Variants in CDYL2 observed in about 807,000 individuals in gnomAD.
CDYL2 encodes chromodomain Y-like protein 2.
Under a neutral mutation model 49.4 loss-of-function variants are expected in CDYL2, and 23 were observed. The ratio of observed to expected loss-of-function variants is 0.47; its 90% CI spans 0.34 to 0.66. The LOEUF is 0.66. CDYL2 is among the 30% of genes least tolerant of loss of function. The pLI, the probability that CDYL2 is intolerant of heterozygous loss-of-function variation, is 0.01. For missense variants in CDYL2, 678 were observed against 656.4 expected (o/e 1.03, Z -0.36); for synonymous variants, 360 against 268.8 (o/e 1.34, Z -3.32).
At chr16:80,633,258 T>A (rs754886867) in intron 2 of CDYL2, 22 bp from the exon 3 acceptor site, 1 of 1,601,572 alleles carries the variant, frequency 6.2e-7, no homozygotes, top group Non-Finnish European at 8.5e-7. Context: ...AGATAAACAA[T>A]GTAAGAAACT....
intron 1 of CDYL2, among the ~76,000 whole-genome samples, chr16:80,770,207 TAATC>T (rs1164814543): frequency 3.9e-5 from 6 of 152,176 alleles, no homozygotes; most frequent in Non-Finnish European, 8.8e-5. Context: ...AATAAAGTAA[TAATC>T]AATCATATAA....
At chr16:80,709,000 T>C (rs1904498179) in intron 1 of CDYL2, among the ~76,000 whole-genome samples, 1 of 152,210 alleles carries the variant, frequency 6.6e-6, no homozygotes, top group Admixed American at 6.5e-5. Flanking sequence ...GAGCTCCTGT[T>C]TGCAAATTGA....
intron 3 of CDYL2, among the ~76,000 whole-genome samples, chr16:80,621,743 C>A (rs1907093342): frequency 6.6e-6 from 1 of 152,226 alleles, no homozygotes; most frequent in Admixed American, 6.5e-5. Flanking sequence ...GTGCTGGCCA[C>A]CCTGCCATCA....
chr16:80,701,673 C>T (rs1195467018), intron 1 of CDYL2, among the ~76,000 whole-genome samples: 1 of 152,136 alleles, frequency 6.6e-6, no homozygotes, highest in Non-Finnish European at 1.5e-5. Context: ...GCTGTATGTA[C>T]CATGTTTCTG....
Position 80,794,010 on chromosome 16 carries a change from T to C in CDYL2, c.24+10140A>G, listed in dbSNP as rs149252197. ...ACTGGTATCGGGTGTGGTTTGACCA[T>C]CTTGTCTTGGAATCTCAGGATATTC... On this transcript the variant is annotated intron_variant, in intron 1 of 6. Coordinates refer to ENST00000570137, the MANE Select transcript of CDYL2 (RefSeq NM_152342.4). Among the ~76,000 whole-genome samples the C allele has an allele frequency of 1.3e-4, 20 of 152,312 alleles. No individual in the cohort carries two copies. The East Asian group carries it at 3.9e-3, about 29-fold the overall frequency.
intron 2 of CDYL2, among the ~76,000 whole-genome samples, chr16:80,638,448 C>T (rs28872224): frequency 0.059 from 8,940 of 152,082 alleles, 806 homozygotes; most frequent in African/African-American, 0.2. Flanking sequence ...AATTCAAATC[C>T]CAGCAAGCTA....
intron 1 of CDYL2, among the ~76,000 whole-genome samples, chr16:80,724,767 C>A (rs572225692): frequency 1.8e-4 from 27 of 152,292 alleles, no homozygotes; most frequent in African/African-American, 6.5e-4. Context: ...CATCTCAGAT[C>A]CATCCACTTC....
intron 1 of CDYL2, among the ~76,000 whole-genome samples, chr16:80,782,951 C>A (rs1347687053): frequency 6.6e-6 from 1 of 152,078 alleles, no homozygotes; most frequent in Non-Finnish European, 1.5e-5. Flanking sequence ...ACAATGATGA[C>A]CATTTTCTCC....
chr16:80,757,324 G>C (rs968387813), intron 1 of CDYL2, among the ~76,000 whole-genome samples: 1 of 152,034 alleles, frequency 6.6e-6, no homozygotes, highest in Non-Finnish European at 1.5e-5. Flanking sequence ...AGGAATGCTT[G>C]AGCCTAGGAG....
At chr16:80,680,430 A>G (rs1296954597) in intron 2 of CDYL2, among the ~76,000 whole-genome samples, 1 of 152,198 alleles carries the variant, frequency 6.6e-6, no homozygotes, top group East Asian at 1.9e-4. Flanking sequence ...TAGGGCTCAA[A>G]GAGAAACGAT....
intron 1 of CDYL2, among the ~76,000 whole-genome samples, chr16:80,744,169 T>C (rs1293444604): frequency 6.6e-6 from 1 of 152,120 alleles, no homozygotes; most frequent in Non-Finnish European, 1.5e-5. Flanking sequence ...AAGACTGAGA[T>C]CAGATCAGTG....
intron 1 of CDYL2, among the ~76,000 whole-genome samples, chr16:80,756,113 A>T (rs1318481333): frequency 1.3e-5 from 2 of 152,228 alleles, no homozygotes; most frequent in Non-Finnish European, 2.9e-5. Context: ...GTTGTCATTA[A>T]ATAAGAAAGG....
intron 1 of CDYL2, among the ~76,000 whole-genome samples, chr16:80,796,223 C>A (rs546538783): frequency 6.6e-6 from 1 of 152,322 alleles, no homozygotes; most frequent in South Asian, 2.1e-4. Flanking sequence ...AGGGAAGCCT[C>A]AGTTCTAGTT....
intron 2 of CDYL2, among the ~76,000 whole-genome samples, chr16:80,634,080 CAAA>C (rs542771969): frequency 1.5e-5 from 2 of 129,330 alleles, no homozygotes; most frequent in African/African-American, 5.5e-5. Flanking sequence ...TACCTCCGTC[CAAA>C]AAAAAAAAAG....
intron 2 of CDYL2, 85 bp from the exon 3 acceptor site, chr16:80,633,321 A>G (rs1597137043): frequency 2.1e-6 from 3 of 1,398,062 alleles, no homozygotes; most frequent in South Asian, 1.3e-5. Context: ...GGGATTTCCA[A>G]TGGAAAGGTT....
intron 1 of CDYL2, among the ~76,000 whole-genome samples, chr16:80,702,244 AAGACAGAGGT>A (rs1477450053): frequency 6.6e-6 from 1 of 151,958 alleles, no homozygotes; most frequent in African/African-American, 2.4e-5. Flanking sequence ...AGAAGAAAAC[AAGACAGAGGT>A]AGACAGCCAT....
intron 2 of CDYL2, among the ~76,000 whole-genome samples, chr16:80,642,721 T>C (rs1177376866): frequency 1.3e-5 from 2 of 152,098 alleles, no homozygotes; most frequent in Admixed American, 6.5e-5. Flanking sequence ...GATGCAAAAG[T>C]GGAAACCCTT....
At position 80,604,243 on chromosome 16, in the gene CDYL2, A is replaced by G; in HGVS notation, c.*145T>C. The stretch of plus-strand genomic sequence containing the variant: ...ATTACACAAAATCAAACCAAGGAGG[A>G]GCAACCAAAGGACACGAGGAAATGG... On this transcript the variant is annotated 3_prime_UTR_variant, in exon 7 of 7. Coordinates refer to ENST00000570137, the MANE Select transcript of CDYL2 (RefSeq NM_152342.4). The G allele has an allele frequency of 2.2e-6, 2 of 888,892 alleles. No homozygotes were observed. Among genetic ancestry groups the G allele is most frequent in the Non-Finnish European group, 3.4e-6 (2 of 579,856 alleles). The allele number at this position is 888,892 out of a possible 1,614,324, so 55.1% of individuals were successfully genotyped here.
intron 1 of CDYL2, among the ~76,000 whole-genome samples, chr16:80,742,462 A>ATGGATGGG (rs1293903913): frequency 1.1e-4 from 2 of 17,810 alleles, no homozygotes; most frequent in East Asian, 0.013. Flanking sequence ...GGATGGATGC[A>ATGGATGGG]TGGATGGATG....
Sources: allele counts gnomAD v4.1 joint callset (sites outside exome capture counted in the v4.1 genomes callset), GRCh38; gene constraint gnomAD v4.1.1; transcripts MANE v1.5; gene names NCBI Gene and HGNC (gene_info 2026-07-23, HGNC 2026-07-21).